The following SEC23A variants were observed in gnomAD, a reference collection of about 807,000 sequenced individuals.
SEC23A encodes the protein SEC23 homolog A, COPII component.
Under a neutral mutation model 103.7 loss-of-function variants are expected in SEC23A, and 56 were observed. The observed-to-expected ratio is 0.54, with a 90% CI of 0.44 to 0.67. The LOEUF is 0.67. Ranked by LOEUF, SEC23A falls within the 30% of genes least tolerant of loss-of-function variation. The pLI is 0.00. For missense variants in SEC23A, 784 were observed against 936.4 expected, an observed-to-expected ratio of 0.84 and a Z score of 2.12; for synonymous variants, 281 against 293.0, an observed-to-expected ratio of 0.96 and a Z score of 0.42.
intron 13 of SEC23A, 67 bp from the exon 14 acceptor site, chr14:39,055,363 C>A (rs927403234): frequency 2.7e-6 from 4 of 1,505,852 alleles, no homozygotes; most frequent in African/African-American, 1.4e-5. Context: ...TAGTTGGCTA[C>A]CACACAAATT....
At chr14:39,053,462 G>A (rs1041042736) in intron 14 of SEC23A, among the ~76,000 whole-genome samples, 1 of 150,732 alleles carries the variant, frequency 6.6e-6, no homozygotes, top group African/African-American at 2.4e-5. Flanking sequence ...GTTGGCATTT[G>A]TTCTAATAGT....
In SEC23A at chr14:39,076,019, C is replaced by T. The variant is rs1254693441; in HGVS notation, c.903G>A (p.Val301=). The change falls in exon 8 of 20, where the codon GTG becomes GTA. Residue 301 remains valine (V), a synonymous_variant. Transcript: ENST00000307712. Reference sequence around the variant, plus strand: ...TAGGTGTCTTCAACTCATCTCCAACCACCATTCCAGGCCCCTGAGTAGCAG... The same window carrying T: ...TAGGTGTCTTCAACTCATCTCCAACTACCATTCCAGGCCCCTGAGTAGCAG... The part of the protein sequence containing the change: ...GGPATQGPGM[V]VGDELKTPIR... 9.3e-6 allele frequency: 15 copies of T among 1,613,642 alleles called. No homozygotes were observed. The highest frequency in any genetic ancestry group is 1.3e-5 in the Non-Finnish European group (15 of 1,179,874).
Position 39,074,534 on chromosome 14 carries a change from C to A in SEC23A, c.988-4G>T. On this transcript the variant is annotated splice_region_variant and splice_polypyrimidine_tract_variant and intron_variant, in intron 8 of 19. Coordinates refer to ENST00000307712, the MANE Select transcript of SEC23A (RefSeq NM_006364.4). Reference sequence around the variant, plus strand: ...GATTAGCCAATGCTTCAAAATGCTACAAAAGATTTTCTTAATTAAAATAAT... The same window carrying A: ...GATTAGCCAATGCTTCAAAATGCTAAAAAAGATTTTCTTAATTAAAATAAT... 6.4e-7 allele frequency: 1 copy of A among 1,573,852 alleles called. No homozygotes were observed. Among genetic ancestry groups the A allele is most frequent in the Non-Finnish European group, 8.7e-7 (1 of 1,145,352 alleles).
chr14:39,085,944 G>C, intron 6 of SEC23A, 38 bp from the exon 7 acceptor site: 1 of 1,560,844 alleles, frequency 6.4e-7, no homozygotes. Context: ...ATTTGTAAAT[G>C]TTTATGGGTG....
Position 39,086,938 on chromosome 14 carries a change from G to A in SEC23A, c.674C>T (p.Pro225Leu), listed in dbSNP as rs1178442784. 1 of 1,582,622 alleles carries A rather than the reference G, an allele frequency of 6.3e-7. No homozygotes were observed. The highest frequency in any genetic ancestry group is 1.7e-5 in the Admixed American group (1 of 59,962). ...TRGPQVQQPP[P>L]SNRFLQPVQK... ...TCATCATATTTATTACCTGTTGGAAGGAGGTGGCTGCTGTACCTGAGGACC... is the reference window on the plus strand; with the variant it reads ...TCATCATATTTATTACCTGTTGGAAAGAGGTGGCTGCTGTACCTGAGGACC... Residue 225 changes from proline to leucine, a missense_variant, in exon 6 of 20, where the codon CCT (proline) becomes CTT (leucine). By Grantham distance (98) the Pro-to-Leu change is moderately conservative. Around this residue, in one of 2 missense-constraint regions of SEC23A, gnomAD observed 683 missense variants for 774.2 expected, o/e 0.88. Transcript: ENST00000307712.
intron 13 of SEC23A, among the ~76,000 whole-genome samples, chr14:39,060,271 G>A (rs1886430057): frequency 6.6e-6 from 1 of 152,132 alleles, no homozygotes; most frequent in Non-Finnish European, 1.5e-5. Flanking sequence ...GTTCCAGGAT[G>A]TTAAGTCAAA....
At chr14:39,062,217 G>A (rs957723014) in intron 12 of SEC23A, among the ~76,000 whole-genome samples, 3 of 152,166 alleles carry the variant, frequency 2.0e-5, no homozygotes, top group Non-Finnish European at 1.5e-5. Flanking sequence ...TGCACAGATT[G>A]AATATCCCTT....
chr14:39,070,869 A>G (rs1566498596), intron 9 of SEC23A, among the ~76,000 whole-genome samples: 1 of 152,188 alleles, frequency 6.6e-6, no homozygotes, highest in African/African-American at 2.4e-5. Flanking sequence ...TCTACTAAAA[A>G]TACAAAAATT....
intron 3 of SEC23A, 56 bp from the exon 4 acceptor site, chr14:39,092,683 T>C (rs1887701737): frequency 1.0e-6 from 1 of 982,054 alleles, no homozygotes; most frequent in Non-Finnish European, 1.6e-6. Context: ...GAAAGATTAA[T>C]AAAATTTTAA....
At chr14:39,058,005 T>G (rs900663427) in intron 13 of SEC23A, among the ~76,000 whole-genome samples, 2 of 152,234 alleles carry the variant, frequency 1.3e-5, no homozygotes, top group Admixed American at 1.3e-4. Flanking sequence ...AAGGGATTAA[T>G]TTGATACTAC....
intron 1 of SEC23A, among the ~76,000 whole-genome samples, chr14:39,097,861 G>T (rs1887940759): frequency 1.3e-5 from 2 of 152,058 alleles, no homozygotes; most frequent in African/African-American, 4.8e-5. Context: ...GAGGCAGGTG[G>T]ATCACCTGAG....
At chr14:39,037,625 T>C (rs1885503641) in intron 19 of SEC23A, among the ~76,000 whole-genome samples, 1 of 152,188 alleles carries the variant, frequency 6.6e-6, no homozygotes, top group Admixed American at 6.5e-5. Flanking sequence ...TCAAGAAGAA[T>C]CTCCTACATA....
At position 39,048,665 on chromosome 14, in the gene SEC23A, G is replaced by A; in HGVS notation, c.1724C>T (p.Ser575Phe). 1.3e-6 allele frequency: 2 copies of A among 1,595,780 alleles called. No individual in the cohort carries two copies. The highest frequency in any genetic ancestry group is 1.7e-6 in the Non-Finnish European group (2 of 1,163,458). Residue 575 changes from serine (S) to phenylalanine (F), a missense_variant, in exon 15 of 20, where the codon TCC becomes TTC. By Grantham distance (155) the Ser-to-Phe change is radical. Around this residue, in one of 2 missense-constraint regions of SEC23A, gnomAD observed 683 missense variants for 774.2 expected, o/e 0.88. Coordinates refer to ENST00000307712, the MANE Select transcript of SEC23A (RefSeq NM_006364.4). ...PSSFRFSETF[S>F]LYPQFMFHLR... Reference sequence around the variant, plus strand: ...TTACCTACTTACCTGTGGATAAAGGGAGAAAGTTTCTGAAAATCTGAAGGA... The same window carrying A: ...TTACCTACTTACCTGTGGATAAAGGAAGAAAGTTTCTGAAAATCTGAAGGA...
intron 19 of SEC23A, among the ~76,000 whole-genome samples, chr14:39,036,038 C>T (rs1885447990): frequency 6.6e-6 from 1 of 151,970 alleles, no homozygotes; most frequent in Admixed American, 6.6e-5. Flanking sequence ...TTCATGGATA[C>T]TCCCAGGCAC....
intron 15 of SEC23A, chr14:39,047,473 C>G (rs948375698): frequency 9.3e-7 from 1 of 1,075,566 alleles, no homozygotes. Context: ...ATAGATCAAT[C>G]AGCAATAAAG....
chr14:39,084,970 G>A (rs1216148859), intron 7 of SEC23A, among the ~76,000 whole-genome samples: 1 of 152,116 alleles, frequency 6.6e-6, no homozygotes, highest in Admixed American at 6.5e-5. Context: ...CCAGCCAAGA[G>A]TGCCTTTTGT....
chr14:39,072,526 C>A (rs1157005102), intron 9 of SEC23A, among the ~76,000 whole-genome samples: 2 of 151,534 alleles, frequency 1.3e-5, no homozygotes, highest in African/African-American at 4.9e-5. Flanking sequence ...AAAAGACAGA[C>A]AATAAGCTGG....
chr14:39,041,608 G>A (rs535373487), intron 17 of SEC23A, among the ~76,000 whole-genome samples: 6 of 151,852 alleles, frequency 4.0e-5, no homozygotes, highest in Non-Finnish European at 7.4e-5. Flanking sequence ...GATGGCTCAC[G>A]CCTATAATCC....
intron 1 of SEC23A, among the ~76,000 whole-genome samples, chr14:39,102,594 CT>C (rs1416167012): frequency 6.6e-6 from 1 of 152,238 alleles, no homozygotes; most frequent in Non-Finnish European, 1.5e-5. Flanking sequence ...TTACCAAGCT[CT>C]TTTCCCCTTT....
Sources: allele counts gnomAD v4.1 joint callset (sites outside exome capture counted in the v4.1 genomes callset), GRCh38; gene constraint gnomAD v4.1.1; regional missense constraint gnomAD v4.1.1; transcripts MANE v1.5; gene names NCBI Gene and HGNC (gene_info 2026-07-23, HGNC 2026-07-21).